Variants in RAD52 observed in about 807,000 individuals in gnomAD.
RAD52 encodes DNA repair protein RAD52 homolog.
Under a neutral mutation model 55.5 loss-of-function variants are expected in RAD52, and 47 were observed. The ratio of observed to expected loss-of-function variants is 0.85; its 90% CI spans 0.67 to 1.08. The LOEUF (loss-of-function observed/expected upper bound fraction) is 1.08, where lower values mean the gene tolerates loss of function less well. RAD52 is among the 50% of genes least tolerant of loss of function. The pLI, the probability that RAD52 is intolerant of heterozygous loss-of-function variation, is 0.00. For missense variants in RAD52, 468 were observed against 522.8 expected (o/e 0.90, Z 1.02); for synonymous variants, 184 against 198.9 (o/e 0.92, Z 0.63).
rs56122274 is a variant in RAD52 at position 916,500 on chromosome 12, C to T, written c.726-17G>A. On this transcript the variant is annotated splice_polypyrimidine_tract_variant and intron_variant, in intron 8 of 11. Transcript: ENST00000358495. ...CTCAGGCTTCTGCATGAGAGGGCGG[C>T]GGCGAGGACGGGCTCCTGAGCAACA... The T allele has an allele frequency of 3.1e-6, 5 of 1,605,682 alleles. No individual in the cohort carries two copies. In the South Asian group the frequency reaches 5.5e-5, roughly 18 times the overall value.
At chr12:940,304 G>A (rs974121175) in intron 1 of RAD52, among the ~76,000 whole-genome samples, 17 of 150,720 alleles carry the variant, frequency 1.1e-4, no homozygotes, top group African/African-American at 2.2e-4. Flanking sequence ...AGAATGAAAG[G>A]GTACCCTCTG....
upstream of RAD52, among the ~76,000 whole-genome samples, chr12:950,185 G>A (rs1369619250): frequency 6.6e-6 from 1 of 152,178 alleles, no homozygotes; most frequent in Admixed American, 6.5e-5. Context: ...CACCACCGCC[G>A]CGCACATCCA....
intron 5 of RAD52, among the ~76,000 whole-genome samples, chr12:928,240 G>C (rs1441514061): frequency 6.6e-6 from 1 of 152,146 alleles, no homozygotes; most frequent in Non-Finnish European, 1.5e-5. Context: ...GGCCGGGTGC[G>C]GTGGCTCACG....
chr12:969,480 A>G (rs1374373642), intron 1 of RAD52, among the ~76,000 whole-genome samples: 3 of 151,990 alleles, frequency 2.0e-5, no homozygotes, highest in African/African-American at 7.3e-5. Context: ...ATTTGACCAT[A>G]GTTGTTCTCA....
chr12:950,734 C>A (rs925991765), upstream of RAD52, among the ~76,000 whole-genome samples: 2 of 151,480 alleles, frequency 1.3e-5, no homozygotes, highest in African/African-American at 4.9e-5. Flanking sequence ...CTTTTTGTGG[C>A]GAGATATTTT....
intron 1 of RAD52, among the ~76,000 whole-genome samples, chr12:989,331 C>T (rs1486146511): frequency 1.3e-5 from 2 of 152,100 alleles, no homozygotes; most frequent in Non-Finnish European, 2.9e-5. Context: ...TTTGTCAGAC[C>T]ACACTTACTT....
At chr12:921,145 G>A (rs909047132) in intron 7 of RAD52, among the ~76,000 whole-genome samples, 1 of 151,616 alleles carries the variant, frequency 6.6e-6, no homozygotes, top group Non-Finnish European at 1.5e-5. Context: ...AGTCGTAAGA[G>A]GGAAGTTACA....
chr12:984,838 G>A (rs1355114280), intron 1 of RAD52, among the ~76,000 whole-genome samples: 1 of 151,912 alleles, frequency 6.6e-6, no homozygotes, highest in Non-Finnish European at 1.5e-5. Flanking sequence ...CTAATTTTTT[G>A]TATTCTTCAG....
At chr12:960,618 A>G (rs1198751860) in intron 1 of RAD52, among the ~76,000 whole-genome samples, 2 of 152,136 alleles carry the variant, frequency 1.3e-5, no homozygotes, top group Non-Finnish European at 2.9e-5. Flanking sequence ...ACATGCCACC[A>G]CACCCTATTT....
chr12:941,620 A>G (rs961866966), intron 1 of RAD52, among the ~76,000 whole-genome samples: 4 of 149,604 alleles, frequency 2.7e-5, no homozygotes, highest in African/African-American at 7.4e-5. Flanking sequence ...ACCTGGCCCA[A>G]AATTTTTATT....
intron 1 of RAD52, among the ~76,000 whole-genome samples, chr12:981,506 G>A (rs1225962433): frequency 6.6e-6 from 1 of 152,098 alleles, no homozygotes; most frequent in Non-Finnish European, 1.5e-5. Flanking sequence ...ATAATAGTGG[G>A]ACAAGCATAG....
At chr12:950,316 A>G (rs188251500), upstream of RAD52, among the ~76,000 whole-genome samples, 2 of 152,156 alleles carry the variant, frequency 1.3e-5, no homozygotes, top group Admixed American at 1.3e-4. Context: ...TCAGGCCTGT[A>G]ATCCCACCAC....
intron 7 of RAD52, among the ~76,000 whole-genome samples, chr12:921,767 T>G (rs941018420): frequency 3.9e-5 from 6 of 152,092 alleles, no homozygotes; most frequent in Non-Finnish European, 8.8e-5. Context: ...AGGACTTGAA[T>G]AGACATCTCT....
Position 913,402 on chromosome 12 carries a change from C to T in RAD52, c.1246G>A (p.Asp416Asn). Residue 416 changes from aspartate (D) to asparagine (N), a missense_variant, in exon 12 of 12, where the codon GAT becomes AAT. Asp to Asn is a conservative substitution (Grantham distance 23). Transcript: ENST00000358495. ...GGCCTGAGCCTCAGTTAAGATGGATCATATTTCCTTTTCTTCATGTCCTGG... is the reference window on the plus strand; with the variant it reads ...GGCCTGAGCCTCAGTTAAGATGGATTATATTTCCTTTTCTTCATGTCCTGG... ...KSQDMKKRKYDPS is the reference protein window; with the variant it reads ...KSQDMKKRKYNPS 1 of 1,606,908 alleles carries T rather than the reference C, an allele frequency of 6.2e-7. No individual in the cohort carries two copies. Among genetic ancestry groups the T allele is most frequent in the African/African-American group, 1.3e-5 (1 of 74,862 alleles).
At chr12:913,552 A>G in intron 11 of RAD52, 100 bp from the exon 12 acceptor site, 1 of 997,176 alleles carries the variant, frequency 1.0e-6, no homozygotes. Context: ...ATTTAGACTA[A>G]GCCCAAGAAT....
At chr12:924,097 C>A (rs919822689) in intron 7 of RAD52, among the ~76,000 whole-genome samples, 1 of 146,744 alleles carries the variant, frequency 6.8e-6, no homozygotes, top group Admixed American at 6.9e-5. Context: ...TAATATCTCT[C>A]ATAAACATAG....
At chr12:985,198 T>C (rs1012303516) in intron 1 of RAD52, among the ~76,000 whole-genome samples, 1 of 152,214 alleles carries the variant, frequency 6.6e-6, no homozygotes, top group Admixed American at 6.5e-5. Context: ...TAAAGTACAG[T>C]GGCACAATCA....
At chr12:936,864 C>T (rs1291454701) in intron 1 of RAD52, 2 of 152,230 alleles carry the variant, frequency 1.3e-5, no homozygotes, top group Non-Finnish European at 2.9e-5. Flanking sequence ...TCACTTTGTC[C>T]ACTCCAGCTG....
At chr12:991,028 TCCCCCGCTTC>T (rs1247430015), upstream of RAD52, 1 of 151,552 alleles carries the variant, frequency 6.6e-6, no homozygotes, top group Non-Finnish European at 1.5e-5. Flanking sequence ...GGCGCCGATT[TCCCCCGCTTC>T]CCAGTTCCTC....
Sources: gnomAD v4.1 joint callset for allele counts (sites outside exome capture counted in the v4.1 genomes callset) on GRCh38, gnomAD v4.1.1 for gene constraint, MANE v1.5 for transcripts, NCBI Gene and HGNC (gene_info 2026-07-23, HGNC 2026-07-21) for gene names.